The following SLC30A3 variants were observed in gnomAD, a reference collection of about 807,000 sequenced individuals.
SLC30A3 encodes solute carrier family 30 member 3, also known as probable proton-coupled zinc antiporter SLC30A3.
SLC30A3 carries 20 observed loss-of-function variants against 35.6 expected under a neutral mutation model. The ratio of observed to expected loss-of-function variants is 0.56; its 90% CI spans 0.39 to 0.82. The LOEUF (loss-of-function observed/expected upper bound fraction) is 0.82, where lower values mean the gene tolerates loss of function less well. SLC30A3 is among the 40% of genes least tolerant of loss of function. The pLI is 0.00. For synonymous variants in SLC30A3, 217 were observed against 224.7 expected (o/e 0.97, Z 0.31); for missense variants, 401 against 530.6 (o/e 0.76, Z 2.40).
intron 1 of SLC30A3, among the ~76,000 whole-genome samples, chr2:27,268,863 A>C (rs1216342245): frequency 2.0e-5 from 3 of 152,186 alleles, no homozygotes; most frequent in Non-Finnish European, 2.9e-5. Flanking sequence ...CAAAGTAGTA[A>C]GATGGAAGCA....
In SLC30A3 at chr2:27,255,046, C is replaced by A; in HGVS notation, c.*266G>T. 5.0e-6 allele frequency: 7 copies of A among 1,401,182 alleles called. No individual in the cohort carries two copies. Among genetic ancestry groups the A allele is most frequent in the Non-Finnish European group, 6.6e-6 (7 of 1,067,970 alleles). The allele number at this position is 1,401,182 out of a possible 1,614,324, so 86.8% of individuals were successfully genotyped here. ...GAGATGGCACCACAGGCCTTCAACA[C>A]ACCCTGCCACACTGAGGCCTGGGAG... is the stretch of plus-strand genomic sequence containing the variant. On this transcript the variant is annotated 3_prime_UTR_variant, in exon 8 of 8. Coordinates refer to ENST00000233535, the MANE Select transcript of SLC30A3 (RefSeq NM_003459.5). This position sits in a 1 kb window ranked among gnomAD's most constrained non-coding sequence, Gnocchi z 5.2.
At chr2:27,274,099 G>A (rs909550655) in intron 1 of SLC30A3, among the ~76,000 whole-genome samples, 6 of 152,334 alleles carry the variant, frequency 3.9e-5, no homozygotes, top group African/African-American at 1.4e-4. Context: ...GAGGCGGGTA[G>A]ATCACTGAGG....
chr2:27,264,278 T>G (rs1362887789), upstream of SLC30A3: 2 of 355,232 alleles, frequency 5.6e-6, no homozygotes, highest in Non-Finnish European at 1.1e-5. This position sits in a 1 kb window ranked among gnomAD's most constrained non-coding sequence, Gnocchi z 6.1. Context: ...GAACTTAGGC[T>G]TCTGGGGACA....
chr2:27,260,124 C>CT (rs1335164291), intron 1 of SLC30A3, among the ~76,000 whole-genome samples: 1 of 152,142 alleles, frequency 6.6e-6, no homozygotes, highest in Admixed American at 6.5e-5. Context: ...CCAGGCCCAC[C>CT]TCCCAGAACC....
rs779125060 is a variant in SLC30A3 at position 27,258,856 on chromosome 2, G to A, written c.174C>T (p.Asp58=). The A allele has an allele frequency of 1.9e-6, 3 of 1,614,156 alleles. No homozygotes were observed. Among genetic ancestry groups the A allele is most frequent in the East Asian group, 2.2e-5 (1 of 44,884 alleles). Reference sequence around the variant, plus strand: ...GGGTAAGGCCCGGCGGCGGAAGGGGGTCCCTGTGGCAGTGGTGGAAGGGCA... The same window carrying A: ...GGGTAAGGCCCGGCGGCGGAAGGGGATCCCTGTGGCAGTGGTGGAAGGGCA... ...VEMPFHHCHR[D]PLPPPGLTPE... The change falls in exon 2 of 8, where the codon GAC becomes GAT. Residue 58 remains aspartate, a synonymous_variant. Coordinates refer to ENST00000233535, the MANE Select transcript of SLC30A3 (RefSeq NM_003459.5). This position sits in a 1 kb window ranked among gnomAD's most constrained non-coding sequence, Gnocchi z 4.0.
Position 27,257,820 on chromosome 2 carries a change from G to A in SLC30A3, c.578+85C>T. 1 of 1,329,122 alleles carries A rather than the reference G, an allele frequency of 7.5e-7. No individual in the cohort carries two copies. Among genetic ancestry groups the A allele is most frequent in the Non-Finnish European group, 1.0e-6 (1 of 953,510 alleles). The allele number at this position is 1,329,122 out of a possible 1,614,324, so 82.3% of individuals were successfully genotyped here. A position where few individuals can be genotyped will look rare whatever the true frequency, so the allele number is the denominator to read the frequency against. On this transcript the variant is annotated intron_variant, in intron 4 of 7. Coordinates refer to ENST00000233535, the MANE Select transcript of SLC30A3 (RefSeq NM_003459.5). This position sits in a 1 kb window ranked among gnomAD's most constrained non-coding sequence, Gnocchi z 4.7. ...TGTGTGCGTGTCTGTGTGTCTGGTG[G>A]GGAGGAGAGAGCCAGCTCTCCCATC...
At position 27,257,500 on chromosome 2, in the gene SLC30A3, G is replaced by C. The variant is rs1157646504; in HGVS notation, c.579-148C>G. 1.3e-6 allele frequency: 1 copy of C among 752,874 alleles called. No homozygotes were observed. Among genetic ancestry groups the C allele is most frequent in the East Asian group, 2.7e-5 (1 of 36,956 alleles). 46.6% of individuals were successfully genotyped at this position (752,874 alleles called of 1,614,324 possible). ...GAGAGATAAACAATGCAGCCTGGGG[G>C]AAAGAATACCAGACTTGGTGCCACA... On this transcript the variant is annotated intron_variant, in intron 4 of 7. Coordinates refer to ENST00000233535, the MANE Select transcript of SLC30A3 (RefSeq NM_003459.5). The surrounding 1 kb of genome is among the most constrained non-coding windows in gnomAD (Gnocchi z 4.7).
Position 27,258,076 on chromosome 2 carries a change from G to A in SLC30A3, c.425-18C>T. On this transcript the variant is annotated intron_variant, in intron 3 of 7. Transcript: ENST00000233535. The surrounding 1 kb of genome is among the most constrained non-coding windows in gnomAD (Gnocchi z 4.0). ...CAGAGTCTCTGCGGGTGGGGGGGGAGACAAGCTGTCAGAGACCTGCTTGGG... is the reference window on the plus strand; with the variant it reads ...CAGAGTCTCTGCGGGTGGGGGGGGAAACAAGCTGTCAGAGACCTGCTTGGG... The A allele has an allele frequency of 6.2e-7, 1 of 1,613,356 alleles. No homozygotes were observed. Among genetic ancestry groups the A allele is most frequent in the Non-Finnish European group, 8.5e-7 (1 of 1,179,314 alleles).
rs1489400889 is a variant in SLC30A3 at position 27,269,646 on chromosome 2, AGAG to A, written c.-159+5528_-159+5530del. Among the ~76,000 whole-genome samples the A allele has an allele frequency of 2.0e-5, 3 of 152,014 alleles. No homozygotes were observed. In the East Asian group the frequency reaches 5.8e-4, roughly 29 times the overall value. ...TGGGTGTAGACTGACTCTCTAAAGA[AGAG>A]AAGAAAGAGCACAAGCAGAAGCTTA... On this transcript the variant is annotated intron_variant, in intron 1 of 5. Transcript: ENST00000424577.
At chr2:27,267,242 G>A (rs1677532646), upstream of SLC30A3, among the ~76,000 whole-genome samples, 1 of 152,102 alleles carries the variant, frequency 6.6e-6, no homozygotes, top group Admixed American at 6.5e-5. Flanking sequence ...CTGTCTTCTT[G>A]ATTACTGCAA....
upstream of SLC30A3, chr2:27,263,302 G>T (rs992764895): frequency 2.1e-6 from 1 of 477,152 alleles, no homozygotes; most frequent in Non-Finnish European, 4.2e-6. Context: ...CCCGCCCACC[G>T]GTTCCAAGCC....
intron 1 of SLC30A3, among the ~76,000 whole-genome samples, chr2:27,268,786 T>C (rs1454339590): frequency 2.0e-5 from 3 of 151,902 alleles, no homozygotes; most frequent in Non-Finnish European, 4.4e-5. Context: ...AAGGGGTAAA[T>C]TGGCATAAGG....
rs565141088 is a variant in SLC30A3 at position 27,258,722 on chromosome 2, A to T, written c.277+31T>A. The T allele has an allele frequency of 1.8e-5, 29 of 1,611,794 alleles. No homozygotes were observed. The Admixed American group carries it at 4.0e-4, about 22-fold the overall frequency. On this transcript the variant is annotated intron_variant, in intron 2 of 7. Transcript: ENST00000233535. The surrounding 1 kb of genome is among the most constrained non-coding windows in gnomAD (Gnocchi z 4.0). ...GAGTGGCTTGGGCAGGTATTTGGAG[A>T]ATGGGGTTTAAGGGCTGCTCCCCAA...
intron 1 of SLC30A3, among the ~76,000 whole-genome samples, chr2:27,260,430 C>G (rs1268825377): frequency 6.6e-6 from 1 of 152,184 alleles, no homozygotes; most frequent in African/African-American, 2.4e-5. Flanking sequence ...CTTGGGACCT[C>G]ACCTGGGGAT....
In SLC30A3 at chr2:27,262,910, C is replaced by T. The variant is rs774996987; in HGVS notation, c.-4G>A. On this transcript the variant is annotated 5_prime_UTR_variant, in exon 1 of 8. Transcript: ENST00000233535. This position sits in a 1 kb window ranked among gnomAD's most constrained non-coding sequence, Gnocchi z 7.5. ...CAGCGGCTGGAGAGGGCTCCATGTT[C>T]CCGGTGCCCCGACCGTCTAGGCCCC... 6.4e-7 allele frequency: 1 copy of T among 1,555,320 alleles called. No individual in the cohort carries two copies. Among genetic ancestry groups the T allele is most frequent in the Non-Finnish European group, 8.6e-7 (1 of 1,158,098 alleles).
rs1052993208 is a variant in SLC30A3, at chr2:27,262,440, C to T, written c.95+372G>A. On this transcript the variant is annotated intron_variant, in intron 1 of 7. Coordinates refer to ENST00000233535, the MANE Select transcript of SLC30A3 (RefSeq NM_003459.5). The surrounding 1 kb of genome is among the most constrained non-coding windows in gnomAD (Gnocchi z 7.5). ...CTGAAGCCTGGGCAGCGAGGCGCTC[C>T]CGCCCTGGGCCCGGGGCAATGCGGA... 1.1e-4 allele frequency among the ~76,000 whole-genome samples: 17 copies of T among 152,038 alleles called. No individual in the cohort carries two copies. The highest frequency in any genetic ancestry group is 4.1e-4 in the African/African-American group (17 of 41,512).
At position 27,257,416 on chromosome 2, in the gene SLC30A3, C is replaced by G. The variant is rs1419536838; in HGVS notation, c.579-64G>C. On this transcript the variant is annotated intron_variant, in intron 4 of 7. Coordinates refer to ENST00000233535, the MANE Select transcript of SLC30A3 (RefSeq NM_003459.5). The surrounding 1 kb of genome is among the most constrained non-coding windows in gnomAD (Gnocchi z 4.7). Reference sequence around the variant, plus strand: ...TCCTGGCCTCCTATACCCCCATCTCCATGTCTCACCTCCCCAGTAGCCCTT... The same window carrying G: ...TCCTGGCCTCCTATACCCCCATCTCGATGTCTCACCTCCCCAGTAGCCCTT... The G allele has an allele frequency of 6.9e-7, 1 of 1,449,858 alleles. No homozygotes were observed. Among genetic ancestry groups the G allele is most frequent in the Admixed American group, 2.0e-5 (1 of 50,394 alleles). The allele number at this position is 1,449,858 out of a possible 1,614,324, so 89.8% of individuals were successfully genotyped here.
chr2:27,255,364 T>A lies in SLC30A3; in HGVS notation c.1115A>T (p.Tyr372Phe), dbSNP rs1164132175. Residue 372 changes from tyrosine (Y) to phenylalanine (F), a missense_variant, in exon 8 of 8, where the codon TAT becomes TTT. Tyr to Phe is a conservative substitution (Grantham distance 22). Transcript: ENST00000233535. This position sits in a 1 kb window ranked among gnomAD's most constrained non-coding sequence, Gnocchi z 5.2. ...FSSCTLQVEQ[Y>F]QPEMAQCLRC... ...CAGGCACTGGGCCATCTCCGGCTGA[T>A]ACTGCTCGACCTGCAGGGTGCAGCT... The A allele has an allele frequency of 6.2e-7, 1 of 1,614,184 alleles. No homozygotes were observed.
chr2:27,262,678 C>G lies in SLC30A3; in HGVS notation c.95+134G>C, dbSNP rs1228640100. The G allele has an allele frequency of 1.2e-6, 1 of 832,802 alleles. No individual in the cohort carries two copies. The highest frequency in any genetic ancestry group is 1.8e-6 in the Non-Finnish European group (1 of 569,778). The allele number at this position is 832,802 out of a possible 1,614,324, so 51.6% of individuals were successfully genotyped here. ...CTCCGTGTGGCCAGAGGGGATGAAG[C>G]GGGGTGCAGCGGAGCGAGGGACCCG... On this transcript the variant is annotated intron_variant, in intron 1 of 7. Transcript: ENST00000233535. This position sits in a 1 kb window ranked among gnomAD's most constrained non-coding sequence, Gnocchi z 7.5.
Sources: allele counts gnomAD v4.1 joint callset (sites outside exome capture counted in the v4.1 genomes callset), GRCh38; gene constraint gnomAD v4.1.1; non-coding constraint Gnocchi (gnomAD v3.1); transcripts MANE v1.5; gene names NCBI Gene and HGNC (gene_info 2026-07-23, HGNC 2026-07-21).